Variants in BCOR observed in about 807,000 individuals in gnomAD.
BCOR encodes the protein BCL6 corepressor, also known as BCL-6 corepressor.
BCOR carries 10 observed loss-of-function variants against 86.7 expected under a neutral mutation model. That is an observed-to-expected ratio of 0.12 (90% CI 0.07 to 0.20). The LOEUF is 0.20. Among genes scored for constraint, BCOR ranks in the 10% least tolerant of loss-of-function variants. BCOR has a pLI of 1.00. For synonymous variants in BCOR, 611 were observed against 609.0 expected (o/e 1.00, Z -0.05); for missense variants, 1,259 against 1,452.1 (o/e 0.87, Z 2.16).
In BCOR at chrX:40,064,561, C is replaced by T. The variant is rs144736705; in HGVS notation, c.3277G>A (p.Glu1093Lys). Residue 1093 changes from glutamate to lysine, a missense_variant, in exon 7 of 15, where the codon GAA becomes AAA. This residue lies in a region of BCOR where 305 missense variants were observed against 286.1 expected (regional missense o/e 1.07). Coordinates refer to ENST00000378444, the MANE Select transcript of BCOR (RefSeq NM_001123385.2). The part of the protein sequence containing the change: ...SVGNKHRDPF[E>K]APEDKDLPVE... ...GGAAGATCTTTGTCCTCTGGGGCTTCAAAGGGATCACGGTGCTTGTTTCCA... is the reference window on the plus strand; with the variant it reads ...GGAAGATCTTTGTCCTCTGGGGCTTTAAAGGGATCACGGTGCTTGTTTCCA... 1.2e-4 allele frequency: 147 copies of T among 1,210,611 alleles called. No homozygotes were observed. The highest frequency in any genetic ancestry group is 1.8e-5 in the Non-Finnish European group (16 of 895,249).
At chrX:40,173,570 T>A (rs1265260433) in intron 1 of BCOR, among the ~76,000 whole-genome samples, 2 of 112,358 alleles carry the variant, frequency 1.8e-5, no homozygotes, top group Non-Finnish European at 3.8e-5. Flanking sequence ...CCTCAAACTG[T>A]CTAGGTCTCC....
intron 1 of BCOR, among the ~76,000 whole-genome samples, chrX:40,125,731 ATTG>A (rs1569187227): frequency 1.8e-5 from 2 of 112,387 alleles, no homozygotes; most frequent in Admixed American, 9.5e-5. Flanking sequence ...GATAGAATAC[ATTG>A]TTATTGTTGG....
intron 1 of BCOR, among the ~76,000 whole-genome samples, chrX:40,145,222 A>G (rs1292710397): frequency 9.0e-6 from 1 of 111,211 alleles, no homozygotes; most frequent in Non-Finnish European, 1.9e-5. Context: ...CAGGTCCCAG[A>G]GCCGGCGGGG....
intron 1 of BCOR, among the ~76,000 whole-genome samples, chrX:40,118,513 C>T (rs908068768): frequency 2.7e-5 from 3 of 110,407 alleles, no homozygotes; most frequent in South Asian, 3.9e-4. Flanking sequence ...GTGATCCACC[C>T]GTCTCGGCCT....
chrX:40,145,925 G>A (rs1025083667), intron 1 of BCOR, among the ~76,000 whole-genome samples: 4 of 111,734 alleles, frequency 3.6e-5, no homozygotes, highest in African/African-American at 1.3e-4. Context: ...TCTGTTGCCC[G>A]GCTATGCTCA....
At chrX:40,170,782 G>A (rs1424107709) in intron 1 of BCOR, among the ~76,000 whole-genome samples, 5 of 112,545 alleles carry the variant, frequency 4.4e-5, no homozygotes, top group Non-Finnish European at 7.5e-5. Flanking sequence ...TGATGTAAAA[G>A]GAGGTTCAAA....
At chrX:40,147,135 A>C (rs1195727665) in intron 1 of BCOR, among the ~76,000 whole-genome samples, 1 of 110,642 alleles carries the variant, frequency 9.0e-6, no homozygotes, top group Non-Finnish European at 1.9e-5. Context: ...CGATCCGCAC[A>C]TGCACGTGCA....
chrX:40,077,997 A>G, intron 1 of BCOR, 28 bp from the exon 2 acceptor site: 2 of 970,756 alleles, frequency 2.1e-6, no homozygotes, highest in Non-Finnish European at 3.0e-6. Flanking sequence ...AAAAAATCCC[A>G]GGAGGTTCAG....
upstream of BCOR, among the ~76,000 whole-genome samples, chrX:40,100,787 G>A (rs907941545): frequency 3.7e-5 from 4 of 109,292 alleles, no homozygotes; most frequent in Non-Finnish European, 7.6e-5. Context: ...ATGCGAAGGG[G>A]CCGAGGGGAG....
chrX:40,065,838 G>A (rs766098372), intron 6 of BCOR, among the ~76,000 whole-genome samples: 1 of 109,825 alleles, frequency 9.1e-6, no homozygotes, highest in Non-Finnish European at 1.9e-5. Context: ...CTCATCCGCT[G>A]ATCTCATTCT....
chrX:40,071,439 A>G (rs1935474609), intron 5 of BCOR, among the ~76,000 whole-genome samples, 198 bp downstream of exon 5: 1 of 112,228 alleles, frequency 8.9e-6, no homozygotes, highest in Non-Finnish European at 1.9e-5. Flanking sequence ...ACAGACAGAC[A>G]TTCTCTTTTG....
Position 40,064,498 on chromosome X carries a change from C to G in BCOR, c.3340G>C (p.Glu1114Gln), listed in dbSNP as rs757991049. Residue 1114 changes from glutamate (E) to glutamine (Q), a missense_variant, in exon 7 of 15, where the codon GAG becomes CAG. Around this residue, in one of 7 missense-constraint regions of BCOR, gnomAD observed 305 missense variants for 286.1 expected, o/e 1.07. Transcript: ENST00000378444. ...KYFVERQPVS[E>Q]PPADQVASDM... ...GAGGCCACCTGGTCTGCGGGAGGCT[C>G]GCTCACAGGCTGCCTCTCCACAAAG... The G allele has an allele frequency of 1.7e-6, 2 of 1,210,948 alleles. No homozygotes were observed. The highest frequency in any genetic ancestry group is 2.2e-6 in the Non-Finnish European group (2 of 895,393).
chrX:40,074,338 C>A lies in BCOR; in HGVS notation c.1008G>T (p.Ser336=), dbSNP rs759420433. Reference sequence around the variant, plus strand: ...GGTGGACTCGGGGTGACGGCCGAGGCGAGGGGGGCAACAGGAGAGCTGTGT... The same window carrying A: ...GGTGGACTCGGGGTGACGGCCGAGGAGAGGGGGGCAACAGGAGAGCTGTGT... The part of the protein sequence containing the change: ...PGDTALLLPP[S]PRPSPRVHLP... The change falls in exon 4 of 15, where the codon TCG becomes TCT. Residue 336 remains serine (S), a synonymous_variant. Transcript: ENST00000378444. 18 of 1,210,092 alleles carry A rather than the reference C, an allele frequency of 1.5e-5. No homozygotes were observed. Among genetic ancestry groups the A allele is most frequent in the Non-Finnish European group, 1.8e-5 (16 of 895,184 alleles).
Position 40,052,324 on chromosome X carries a change from G to C in BCOR, c.5053C>G (p.Pro1685Ala), listed in dbSNP as rs772655074. 4.1e-6 allele frequency: 5 copies of C among 1,211,820 alleles called. No individual in the cohort carries two copies. In the South Asian group the frequency reaches 8.8e-5, roughly 21 times the overall value. Residue 1685 changes from proline (P) to alanine (A), a missense_variant, in exon 15 of 15, where the codon CCA becomes GCA. Physicochemically the swap from Pro to Ala is conservative, Grantham distance 27 (BLOSUM62 -1). This residue lies in a region of BCOR where 137 missense variants were observed against 149.8 expected (regional missense o/e 0.91). Transcript: ENST00000378444. ...MSSRIFRCNF[P>A]NVEIVTIAEA... ...GCAATGGTGACAATTTCCACGTTTG[G>C]AAAATTGCAGCGAAATATGCGGGAG...
intron 1 of BCOR, among the ~76,000 whole-genome samples, chrX:40,169,766 G>A (rs1044911432): frequency 1.8e-5 from 2 of 111,588 alleles, no homozygotes; most frequent in African/African-American, 6.5e-5. Context: ...GAATCACGAG[G>A]GGGAAGAACC....
chrX:40,139,422 ATAC>A (rs1937794119), intron 1 of BCOR, among the ~76,000 whole-genome samples: 1 of 10,678 alleles, frequency 9.4e-5, no homozygotes, highest in Admixed American at 1.8e-3. Flanking sequence ...TATAATATAT[ATAC>A]ATATATATAT....
At chrX:40,059,006 C>G (rs934725423) in intron 10 of BCOR, among the ~76,000 whole-genome samples, 1 of 111,971 alleles carries the variant, frequency 8.9e-6, no homozygotes, top group African/African-American at 3.2e-5. Flanking sequence ...ACCCGGATCC[C>G]GGCAGCCGGC....
chrX:40,120,502 C>T (rs1426706306), intron 1 of BCOR, among the ~76,000 whole-genome samples: 1 of 111,854 alleles, frequency 8.9e-6, no homozygotes, highest in African/African-American at 3.3e-5. Flanking sequence ...ATCCATTTCC[C>T]CCACATCCAG....
rs1048287551 is a variant in BCOR, at chrX:40,064,350, C to T, written c.3488G>A (p.Arg1163Gln). The change falls in exon 7 of 15, where the codon CGA becomes CAA. Residue 1163 changes from arginine to glutamine, a missense_variant. Coordinates refer to ENST00000378444, the MANE Select transcript of BCOR (RefSeq NM_001123385.2). ...ACAGGGCTCACCTTTAGAGACTCGT[C>T]GGCGTTTGGCTTTCAGCAGAGGGTC... ...PEDPLLKAKR[R>Q]RVSKDDWPER... 7 of 1,212,229 alleles carry T rather than the reference C, an allele frequency of 5.8e-6. No homozygotes were observed. Among genetic ancestry groups the T allele is most frequent in the Non-Finnish European group, 7.8e-6 (7 of 895,607 alleles).
Sources: gnomAD v4.1 joint callset for allele counts (sites outside exome capture counted in the v4.1 genomes callset) on GRCh38, gnomAD v4.1.1 for gene constraint, gnomAD v4.1.1 regional missense constraint, MANE v1.5 for transcripts, NCBI Gene and HGNC (gene_info 2026-07-23, HGNC 2026-07-21) for gene names.